Variants in ZNF804B observed in about 807,000 individuals in gnomAD.
ZNF804B encodes zinc finger protein 804B.
ZNF804B carries 80 observed loss-of-function variants against 101.4 expected under a neutral mutation model. The observed-to-expected ratio is 0.79, with a 90% confidence interval of 0.66 to 0.95. ZNF804B has a LOEUF of 0.95. Ranked by LOEUF, ZNF804B falls within the 40% of genes least tolerant of loss-of-function variation. The probability of loss-of-function intolerance (pLI) is 0.00; values close to 1 mark genes in which losing one functional copy is unlikely to be tolerated. For synonymous variants in ZNF804B, 622 were observed against 558.8 expected, an observed-to-expected ratio of 1.11 and a Z score of -1.59; for missense variants, 1,673 against 1,561.9, an observed-to-expected ratio of 1.07 and a Z score of -1.20.
intron 1 of ZNF804B, among the ~76,000 whole-genome samples, chr7:89,144,599 T>C (rs1790764398): frequency 6.6e-6 from 1 of 151,808 alleles, no homozygotes; most frequent in Admixed American, 6.6e-5. Context: ...AGGTTTCAGT[T>C]AGACAGGAGA....
chr7:88,781,855 C>T (rs545637189), intron 1 of ZNF804B, among the ~76,000 whole-genome samples: 4 of 151,988 alleles, frequency 2.6e-5, no homozygotes, highest in African/African-American at 4.8e-5. Flanking sequence ...GACAAAAACC[C>T]CCGCGACACT....
chr7:89,195,422 T>A (rs1242290138), intron 1 of ZNF804B, among the ~76,000 whole-genome samples: 1 of 140,490 alleles, frequency 7.1e-6, no homozygotes, highest in Non-Finnish European at 1.5e-5. Context: ...GATGACATGA[T>A]TGTATATCTA....
chr7:89,170,211 T>C (rs1791203093), intron 1 of ZNF804B, among the ~76,000 whole-genome samples: 2 of 152,152 alleles, frequency 1.3e-5, no homozygotes, highest in African/African-American at 2.4e-5. Flanking sequence ...TGACCAGAAA[T>C]CCAAAATTTT....
At chr7:89,118,729 T>C (rs1790354227) in intron 1 of ZNF804B, among the ~76,000 whole-genome samples, 2 of 152,180 alleles carry the variant, frequency 1.3e-5, no homozygotes, top group South Asian at 4.1e-4. Context: ...TTATCTGAAA[T>C]GTGAGCAAGG....
At chr7:89,173,863 A>C (rs896363444) in intron 1 of ZNF804B, among the ~76,000 whole-genome samples, 1 of 152,058 alleles carries the variant, frequency 6.6e-6, no homozygotes, top group Non-Finnish European at 1.5e-5. Context: ...GGACTGTGAC[A>C]CAGCATGATG....
intron 1 of ZNF804B, among the ~76,000 whole-genome samples, chr7:88,866,664 G>A (rs1467661625): frequency 3.9e-5 from 6 of 152,144 alleles, no homozygotes; most frequent in Admixed American, 3.9e-4. Flanking sequence ...ACCCAAATGA[G>A]TAATCCCAGC....
chr7:88,802,720 G>GA (rs202067013), intron 1 of ZNF804B, among the ~76,000 whole-genome samples: 8,757 of 143,502 alleles, frequency 0.061, 305 homozygotes, highest in Non-Finnish European at 0.081. Flanking sequence ...TAATGAACAG[G>GA]AAAAAAAAAA....
At chr7:88,981,577 A>G (rs1793695583) in intron 1 of ZNF804B, among the ~76,000 whole-genome samples, 2 of 152,140 alleles carry the variant, frequency 1.3e-5, no homozygotes, top group East Asian at 2.0e-4. Context: ...CTGCAGTCCT[A>G]GTGGCCTAGA....
At chr7:89,055,532 G>T (rs1227081961) in intron 1 of ZNF804B, among the ~76,000 whole-genome samples, 1 of 151,940 alleles carries the variant, frequency 6.6e-6, no homozygotes, top group Non-Finnish European at 1.5e-5. Context: ...GGGATGGAAG[G>T]TTAATCACAT....
At chr7:89,234,260 CCTTTT>C (rs1320149925) in intron 2 of ZNF804B, among the ~76,000 whole-genome samples, 1 of 151,094 alleles carries the variant, frequency 6.6e-6, no homozygotes. Flanking sequence ...TGTGATATTC[CCTTTT>C]CTTTTTTTTT....
intron 1 of ZNF804B, among the ~76,000 whole-genome samples, chr7:89,003,556 T>A (rs1452792190): frequency 6.6e-6 from 1 of 152,002 alleles, no homozygotes; most frequent in Non-Finnish European, 1.5e-5. Flanking sequence ...TCAATCATAA[T>A]ATTTTAGTAT....
chr7:89,113,995 A>G (rs1176913409), intron 1 of ZNF804B, among the ~76,000 whole-genome samples: 1 of 152,174 alleles, frequency 6.6e-6, no homozygotes, highest in African/African-American at 2.4e-5. Flanking sequence ...AGGTGCAAGA[A>G]TTAAGCTTAA....
chr7:89,251,068 CAT>C (rs1789532028), intron 2 of ZNF804B, among the ~76,000 whole-genome samples: 1 of 152,150 alleles, frequency 6.6e-6, no homozygotes, highest in South Asian at 2.1e-4. Flanking sequence ...TCTTATTCAA[CAT>C]AGTACTGGAA....
intron 3 of ZNF804B, among the ~76,000 whole-genome samples, chr7:89,329,405 TAAAAA>T (rs1416491692): frequency 6.6e-6 from 1 of 151,698 alleles, no homozygotes; most frequent in Non-Finnish European, 1.5e-5. Flanking sequence ...AAGTGAAAGT[TAAAAA>T]TAAAATAAAA....
At position 89,336,054 on chromosome 7, in the gene ZNF804B, C is replaced by T; in HGVS notation, c.3072C>T (p.Asn1024=). The T allele has an allele frequency of 1.2e-6, 2 of 1,613,920 alleles. No homozygotes were observed. Among genetic ancestry groups the T allele is most frequent in the East Asian group, 4.5e-5 (2 of 44,862 alleles). The change falls in exon 4 of 4, where the codon AAC becomes AAT. Residue 1024 remains asparagine (N), a synonymous_variant. Coordinates refer to ENST00000333190, the MANE Select transcript of ZNF804B (RefSeq NM_181646.5). ...TTTTAGCAGACACTGATTGTGATAA[C>T]CATCTTTCTAAAGGTATAATTCACC... ...FTILADTDCD[N]HLSKGIIHLV...
intron 1 of ZNF804B, among the ~76,000 whole-genome samples, chr7:88,845,299 G>GTGCACACACACACACACACA: frequency 7.2e-6 from 1 of 138,506 alleles, no homozygotes; most frequent in South Asian, 2.4e-4. Context: ...GCGCACGCGC[G>GTGCACACACACACACACACA]CGCACACACA....
intron 1 of ZNF804B, among the ~76,000 whole-genome samples, chr7:88,994,717 T>C (rs1032762234): frequency 6.6e-6 from 1 of 152,224 alleles, no homozygotes; most frequent in African/African-American, 2.4e-5. Flanking sequence ...TCATCATAGA[T>C]TTGATGCTAC....
chr7:89,170,213 C>A (rs909260659), intron 1 of ZNF804B, among the ~76,000 whole-genome samples: 1 of 152,014 alleles, frequency 6.6e-6, no homozygotes, highest in Non-Finnish European at 1.5e-5. Context: ...ACCAGAAATC[C>A]AAAATTTTAC....
At chr7:88,982,904 C>T (rs1056573261) in intron 1 of ZNF804B, among the ~76,000 whole-genome samples, 3 of 152,016 alleles carry the variant, frequency 2.0e-5, no homozygotes, top group Admixed American at 6.6e-5. Context: ...CCTCCAAACT[C>T]CCAAGAGAGA....
Sources: gnomAD v4.1 joint callset for allele counts (sites outside exome capture counted in the v4.1 genomes callset) on GRCh38, gnomAD v4.1.1 for gene constraint, MANE v1.5 for transcripts, NCBI Gene and HGNC (gene_info 2026-07-23, HGNC 2026-07-21) for gene names.